FAM3D: variants seen among roughly 807,000 people sequenced by gnomAD.
The protein encoded by FAM3D is protein FAM3D.
A neutral mutation model predicts 29.8 loss-of-function variants in FAM3D; 26 were observed. That is an observed-to-expected ratio of 0.87 (90% confidence interval 0.64 to 1.21). The LOEUF (loss-of-function observed/expected upper bound fraction) is 1.21. Among genes scored for constraint, FAM3D ranks in the 50% most tolerant of loss-of-function variants. The pLI is 0.00. For synonymous variants in FAM3D, 115 were observed against 102.3 expected (o/e 1.12, Z -0.75); for missense variants, 253 against 290.9 (o/e 0.87, Z 0.95).
Position 58,637,184 on chromosome 3 carries a change from C to A in FAM3D, c.415G>T (p.Gly139Cys), listed in dbSNP as rs769530185. The change falls in exon 8 of 10, where the codon GGT becomes TGT. Residue 139 changes from glycine (G) to cysteine (C), a missense_variant. Transcript: ENST00000358781. ...LVKFLKEIPG[G>C]ALVLVASYDD... ...TAGGAGGCCACCAGCACCAGTGCAC[C>A]CCCCGGAATTTCTTTAAGGAATTTC... 6.2e-7 allele frequency: 1 copy of A among 1,613,878 alleles called. No homozygotes were observed. The highest frequency in any genetic ancestry group is 8.5e-7 in the Non-Finnish European group (1 of 1,179,994).
rs895796025 is a variant in FAM3D, at chr3:58,645,719, G to A, written c.146-93C>T. ...GGGCCAGGGCTAGGGCCAGGGCGCA[G>A]CTTGGGATGAAGCTCAGAGCCTCTT... is the stretch of plus-strand genomic sequence containing the variant. On this transcript the variant is annotated intron_variant, in intron 4 of 9. Transcript: ENST00000358781. 6.6e-6 allele frequency: 7 copies of A among 1,067,070 alleles called. No individual in the cohort carries two copies. In the African/African-American group the frequency reaches 7.8e-5, roughly 12 times the overall value. The allele number at this position is 1,067,070 out of a possible 1,614,324, so 66.1% of individuals were successfully genotyped here. A position where few individuals can be genotyped will look rare whatever the true frequency, so the allele number is the denominator to read the frequency against.
Position 58,635,653 on chromosome 3 carries a change from G to A in FAM3D, c.585+641C>T, listed in dbSNP as rs926725233. ...CCACACCCGGCCGCCCCCGCCCACC[G>A]GCCTCCTGCGTTCTTCACTGCGTTC... On this transcript the variant is annotated intron_variant, in intron 9 of 9. Transcript: ENST00000358781. This position sits in a 1 kb window ranked among gnomAD's most constrained non-coding sequence, Gnocchi z 5.2. Among the ~76,000 whole-genome samples, 2 of 152,186 alleles carry A rather than the reference G, an allele frequency of 1.3e-5. No individual in the cohort carries two copies. Among genetic ancestry groups the A allele is most frequent in the Non-Finnish European group, 2.9e-5 (2 of 68,046 alleles).
At chr3:58,645,702 G>A in intron 4 of FAM3D, 76 bp from the exon 5 acceptor site, 2 of 1,196,900 alleles carry the variant, frequency 1.7e-6, no homozygotes, top group Non-Finnish European at 2.4e-6. Context: ...GAGGGCCAGG[G>A]CTAGGGCCAG....
intron 2 of FAM3D, among the ~76,000 whole-genome samples, chr3:58,654,310 G>A (rs943241470): frequency 1.3e-5 from 2 of 152,236 alleles, no homozygotes; most frequent in East Asian, 1.9e-4. Flanking sequence ...CCCTGAGCTT[G>A]TTGGCAGGGA....
At chr3:58,645,677 G>A in intron 4 of FAM3D, 51 bp from the exon 5 acceptor site, 1 of 1,515,960 alleles carries the variant, frequency 6.6e-7, no homozygotes, top group Non-Finnish European at 9.2e-7. Flanking sequence ...GGAGGTACTT[G>A]GGGGAGAAGG....
intron 9 of FAM3D, among the ~76,000 whole-genome samples, chr3:58,636,006 A>G (rs1465227765): frequency 6.6e-6 from 1 of 152,070 alleles, no homozygotes; most frequent in Admixed American, 6.5e-5. Flanking sequence ...TCGTTCCTTC[A>G]TGCCTCACTT....
chr3:58,660,934 A>T (rs2066917346), intron 1 of FAM3D, among the ~76,000 whole-genome samples: 1 of 152,208 alleles, frequency 6.6e-6, no homozygotes, highest in Non-Finnish European at 1.5e-5. Context: ...AAATAAACCC[A>T]GGCGATATGT....
At chr3:58,649,072 T>A (rs1223157250) in intron 4 of FAM3D, among the ~76,000 whole-genome samples, 2 of 152,060 alleles carry the variant, frequency 1.3e-5, no homozygotes, top group Non-Finnish European at 2.9e-5. Flanking sequence ...GGGGCAGAGT[T>A]GAACTGTGTC....
At chr3:58,653,606 G>C in intron 3 of FAM3D, 68 bp downstream of exon 3, 1 of 1,427,886 alleles carries the variant, frequency 7.0e-7, no homozygotes, top group South Asian at 1.1e-5. Flanking sequence ...AGGGATGGAG[G>C]GAAGAATATG....
intron 3 of FAM3D, among the ~76,000 whole-genome samples, chr3:58,652,815 AC>A (rs1197492088): frequency 6.6e-6 from 1 of 151,254 alleles, no homozygotes; most frequent in Non-Finnish European, 1.5e-5. Flanking sequence ...CTATCCACCC[AC>A]CCACTCAGCC....
In FAM3D at chr3:58,634,391, A is replaced by C; in HGVS notation, c.586-23T>G. On this transcript the variant is annotated intron_variant, in intron 9 of 9. Coordinates refer to ENST00000358781, the MANE Select transcript of FAM3D (RefSeq NM_138805.3). This position sits in a 1 kb window ranked among gnomAD's most constrained non-coding sequence, Gnocchi z 4.6. ...GAACTAGAGAGAGAGAAGACAGAGA[A>C]ATATAGGCAGTGAGTGAGGCTGTTC... is the stretch of plus-strand genomic sequence containing the variant. 1 of 1,607,102 alleles carries C rather than the reference A, an allele frequency of 6.2e-7. No homozygotes were observed. Among genetic ancestry groups the C allele is most frequent in the Non-Finnish European group, 8.5e-7 (1 of 1,174,718 alleles).
At position 58,657,081 on chromosome 3, in the gene FAM3D, A is replaced by G. The variant is rs187500562; in HGVS notation, c.-38-1480T>C. Among the ~76,000 whole-genome samples the G allele has an allele frequency of 3.3e-5, 5 of 152,316 alleles. No individual in the cohort carries two copies. The East Asian group carries it at 9.7e-4, about 29-fold the overall frequency. ...GTGGAACTTTAACTTCCTGAAATTC[A>G]GATTACCAGCTTCTTTTTTCCAGAT... On this transcript the variant is annotated intron_variant, in intron 1 of 9. Transcript: ENST00000358781.
chr3:58,662,824 T>G (rs1048326215), intron 1 of FAM3D, among the ~76,000 whole-genome samples: 9 of 152,228 alleles, frequency 5.9e-5, no homozygotes, highest in African/African-American at 2.2e-4. Flanking sequence ...CAGATGAGTA[T>G]GATCTATCTC....
intron 3 of FAM3D, among the ~76,000 whole-genome samples, chr3:58,650,132 C>A (rs912506437): frequency 1.3e-5 from 2 of 152,224 alleles, no homozygotes; most frequent in African/African-American, 4.8e-5. Context: ...TCTCCCACCA[C>A]GCCAGCAGTG....
chr3:58,648,087 C>G (rs982107273), intron 4 of FAM3D, among the ~76,000 whole-genome samples: 11 of 152,132 alleles, frequency 7.2e-5, no homozygotes. Flanking sequence ...TGGGAACAGG[C>G]AGGGTGGAAA....
intron 7 of FAM3D, 103 bp from the exon 8 acceptor site, chr3:58,637,328 T>G: frequency 9.4e-7 from 1 of 1,069,098 alleles, no homozygotes; most frequent in Admixed American, 2.1e-5. Context: ...CTAGGCCCGG[T>G]GGACACTGGG....
chr3:58,660,942 T>G (rs1292406015), intron 1 of FAM3D, among the ~76,000 whole-genome samples: 1 of 152,178 alleles, frequency 6.6e-6, no homozygotes, highest in Non-Finnish European at 1.5e-5. Flanking sequence ...CCAGGCGATA[T>G]GTGTCAGGAG....
chr3:58,636,120 G>T (rs560444224), intron 9 of FAM3D, among the ~76,000 whole-genome samples, 174 bp downstream of exon 9: 1 of 152,182 alleles, frequency 6.6e-6, no homozygotes, highest in Non-Finnish European at 1.5e-5. Flanking sequence ...GGCCAAGGCA[G>T]CTTCCTGGCC....
intron 7 of FAM3D, among the ~76,000 whole-genome samples, chr3:58,637,483 C>T (rs1470056452): frequency 6.6e-6 from 1 of 152,128 alleles, no homozygotes; most frequent in African/African-American, 2.4e-5. Flanking sequence ...AGAAATTCCC[C>T]TCGTGACAGG....
Sources: gnomAD v4.1 joint callset for allele counts (sites outside exome capture counted in the v4.1 genomes callset) on GRCh38, gnomAD v4.1.1 for gene constraint, Gnocchi (gnomAD v3.1) non-coding constraint, MANE v1.5 for transcripts, NCBI Gene and HGNC (gene_info 2026-07-23, HGNC 2026-07-21) for gene names.